The following PCDHA4 variants were observed in gnomAD, a reference collection of about 807,000 sequenced individuals.
PCDHA4 encodes protocadherin alpha-4.
In PCDHA4, 49 loss-of-function variants were observed where a neutral mutation model predicts 61.4. The observed-to-expected ratio is 0.80, with a 90% CI of 0.63 to 1.01. The LOEUF (loss-of-function observed/expected upper bound fraction) is 1.01, where lower values mean the gene tolerates loss of function less well. PCDHA4 is among the 50% of genes least tolerant of loss of function. The pLI is 0.00. For missense variants in PCDHA4, 1,254 were observed against 1,235.8 expected, an observed-to-expected ratio of 1.01 and a Z score of -0.22; for synonymous variants, 590 against 550.3, an observed-to-expected ratio of 1.07 and a Z score of -1.01.
intron 3 of PCDHA4, among the ~76,000 whole-genome samples, chr5:140,991,132 TAA>T (rs1345264253): frequency 2.0e-5 from 3 of 152,230 alleles, no homozygotes; most frequent in Non-Finnish European, 4.4e-5. Flanking sequence ...ACACAGCTAG[TAA>T]AAATGTTTTT....
chr5:140,850,992 G>T, intron 1 of PCDHA4: 1 of 1,444,816 alleles, frequency 6.9e-7, no homozygotes, highest in Non-Finnish European at 9.2e-7. Context: ...CATTTTTCTA[G>T]AAATCCAGCA....
chr5:140,869,572 G>A (rs375272234), intron 1 of PCDHA4: 1 of 1,614,060 alleles, frequency 6.2e-7, no homozygotes, highest in Non-Finnish European at 8.5e-7. Flanking sequence ...ACTAGAGGGA[G>A]CTTCTGATGC....
chr5:140,836,539 C>T (rs782621405), intron 1 of PCDHA4: 2 of 1,613,800 alleles, frequency 1.2e-6, no homozygotes, highest in South Asian at 1.1e-5. Flanking sequence ...CTGCTGTACA[C>T]GGCGTTGCGG....
intron 1 of PCDHA4, among the ~76,000 whole-genome samples, chr5:140,818,835 TG>T (rs1766447116): frequency 6.6e-6 from 1 of 152,204 alleles, no homozygotes; most frequent in African/African-American, 2.4e-5. Context: ...GTCACCCAGT[TG>T]TATAGAATCA....
intron 1 of PCDHA4, chr5:140,870,584 T>A (rs782563992): frequency 1.1e-5 from 18 of 1,613,672 alleles, no homozygotes; most frequent in Non-Finnish European, 1.3e-5. Flanking sequence ...TACTCGCTGG[T>A]GGAGCGGCGG....
intron 1 of PCDHA4, among the ~76,000 whole-genome samples, chr5:140,957,326 C>G (rs2095350528): frequency 6.6e-6 from 1 of 152,118 alleles, no homozygotes; most frequent in African/African-American, 2.4e-5. Context: ...GAGCACAGTA[C>G]AGTAAGATAT....
chr5:140,828,324 A>G (rs2150154033), intron 1 of PCDHA4: 15 of 1,614,076 alleles, frequency 9.3e-6, no homozygotes, highest in African/African-American at 1.3e-5. Context: ...CTGGAGGTAA[A>G]TCTGCAGAAT....
rs2045092638 is a variant in PCDHA4, at chr5:140,858,000, A to G, written c.2385+48428A>G. The stretch of plus-strand genomic sequence containing the variant: ...CGCCAGCGCCTACTGGTGCTGGTGA[A>G]GGACCATGGCGAGCCGTCGCTGACG... On this transcript the variant is annotated intron_variant, in intron 1 of 3. Coordinates refer to ENST00000530339, the MANE Select transcript of PCDHA4 (RefSeq NM_018907.4). 1.0e-5 allele frequency: 16 copies of G among 1,596,802 alleles called. 2 individuals carry two copies. Among genetic ancestry groups the G allele is most frequent in the Non-Finnish European group, 1.4e-5 (16 of 1,167,152 alleles).
intron 1 of PCDHA4, among the ~76,000 whole-genome samples, chr5:140,874,231 G>T (rs1554167098): frequency 6.6e-6 from 1 of 152,124 alleles, no homozygotes; most frequent in African/African-American, 2.4e-5. Flanking sequence ...GGAATGAATG[G>T]CAACAAATTA....
chr5:140,873,568 G>T (rs1319513835), intron 1 of PCDHA4, among the ~76,000 whole-genome samples: 1 of 149,090 alleles, frequency 6.7e-6, no homozygotes, highest in East Asian at 1.9e-4. Context: ...TTTCTAGTTT[G>T]GTTGTTTAAG....
intron 1 of PCDHA4, chr5:140,830,424 C>G: frequency 3.7e-6 from 6 of 1,613,930 alleles, no homozygotes; most frequent in Non-Finnish European, 5.1e-6. Flanking sequence ...AGCCTTTCAC[C>G]TTGTCCTATT....
chr5:140,861,489 T>A, intron 1 of PCDHA4: 1 of 487,812 alleles, frequency 2.0e-6, no homozygotes, highest in South Asian at 1.6e-5. Context: ...TTTTGTGAGT[T>A]CTCTGATAGA....
rs2150356626 is a variant in PCDHA4 at position 140,843,293 on chromosome 5, G to A, written c.2385+33721G>A. ...CCTGGTGAAGGATCATGGTGAACCT[G>A]CGCTGACCGCCACGGCCACGGTTCT... is the stretch of plus-strand genomic sequence containing the variant. On this transcript the variant is annotated intron_variant, in intron 1 of 3. Coordinates refer to ENST00000530339, the MANE Select transcript of PCDHA4 (RefSeq NM_018907.4). The A allele has an allele frequency of 3.8e-6, 6 of 1,595,972 alleles. No homozygotes were observed. In the African/African-American group the frequency reaches 4.0e-5, roughly 11 times the overall value.
intron 1 of PCDHA4, chr5:140,875,400 T>C: frequency 6.7e-7 from 1 of 1,485,268 alleles, no homozygotes; most frequent in Admixed American, 2.6e-5. Flanking sequence ...AAAGGGTGAC[T>C]GCTCATAAAA....
intron 1 of PCDHA4, among the ~76,000 whole-genome samples, chr5:140,940,440 G>T (rs1348385112): frequency 1.3e-5 from 2 of 151,928 alleles, no homozygotes; most frequent in Non-Finnish European, 2.9e-5. Flanking sequence ...AGTCTGCCAT[G>T]ATATTTTTTA....
rs782513442 is a variant in PCDHA4 at position 140,877,300 on chromosome 5, G to C, written c.2385+67728G>C. 7 of 1,613,828 alleles carry C rather than the reference G, an allele frequency of 4.3e-6. No homozygotes were observed. The South Asian group carries it at 4.4e-5, about 10-fold the overall frequency. Reference sequence around the variant, plus strand: ...CGGCTATAACGCTTGGCTGTCCTACGAGTTGCAACCGGCGGCGGTCGGCGC... The same window carrying C: ...CGGCTATAACGCTTGGCTGTCCTACCAGTTGCAACCGGCGGCGGTCGGCGC... On this transcript the variant is annotated intron_variant, in intron 1 of 3. Transcript: ENST00000530339.
chr5:140,849,857 G>C (rs781928576), intron 1 of PCDHA4: 1 of 1,598,626 alleles, frequency 6.3e-7, no homozygotes, highest in Non-Finnish European at 8.6e-7. Context: ...ACGCACCAGC[G>C]TTCGCGCAGT....
chr5:140,813,370 T>G (rs2126646092), intron 1 of PCDHA4: 1 of 152,336 alleles, frequency 6.6e-6, no homozygotes, highest in East Asian at 1.9e-4. Context: ...ACTACAGACC[T>G]AGGTTACATG....
chr5:140,948,705 T>C (rs1585306851), intron 1 of PCDHA4, among the ~76,000 whole-genome samples: 1 of 151,580 alleles, frequency 6.6e-6, no homozygotes, highest in African/African-American at 2.4e-5. Context: ...ATTTGTGTTC[T>C]ATCCTCTTTT....
Sources: allele counts gnomAD v4.1 joint callset (sites outside exome capture counted in the v4.1 genomes callset), GRCh38; gene constraint gnomAD v4.1.1; transcripts MANE v1.5; gene names NCBI Gene and HGNC (gene_info 2026-07-23, HGNC 2026-07-21).